ANO7: variants seen among roughly 807,000 people sequenced by gnomAD.
The protein encoded by ANO7 is anoctamin-7.
A neutral mutation model predicts 115.8 loss-of-function variants in ANO7; 114 were observed. The ratio of observed to expected loss-of-function variants is 0.98; its 90% CI spans 0.85 to 1.15. ANO7 has a LOEUF of 1.15. Ranked by LOEUF, ANO7 falls within the 50% of genes most tolerant of loss-of-function variation. ANO7 has a pLI of 0.00. For synonymous variants in ANO7, 550 were observed against 498.2 expected (o/e 1.10, Z -1.38); for missense variants, 1,302 against 1,201.2 (o/e 1.08, Z -1.24).
chr2:241,230,762 G>C (rs765922546), downstream of ANO7: 8 of 1,613,808 alleles, frequency 5.0e-6, no homozygotes, highest in Non-Finnish European at 6.8e-6. This position sits in a 1 kb window ranked among gnomAD's most constrained non-coding sequence, Gnocchi z 5.0. Context: ...GGCTCACCTT[G>C]AATTCGTCCA....
At chr2:241,218,810 A>C (rs1574797074) in intron 21 of ANO7, among the ~76,000 whole-genome samples, 1 of 152,334 alleles carries the variant, frequency 6.6e-6, no homozygotes, top group East Asian at 1.9e-4. Flanking sequence ...GAGTCATAAT[A>C]GATCAAGTAA....
chr2:241,212,141 G>A lies in ANO7; in HGVS notation c.1609G>A (p.Val537Met). The A allele has an allele frequency of 6.2e-7, 1 of 1,614,096 alleles. No homozygotes were observed. Among genetic ancestry groups the A allele is most frequent in the South Asian group, 1.1e-5 (1 of 91,078 alleles). ...TKFEDAFTLK[V>M]FIFQFVNFYS... ...GTTCGAGGACGCCTTCACCCTCAAG[G>A]TGTTCATCTTCCAGTTCGTCAACTT... Residue 537 changes from valine (V) to methionine (M), a missense_variant, in exon 16 of 25, where the codon GTG becomes ATG. By Grantham distance (21) the Val-to-Met change is conservative (BLOSUM62 1). Coordinates refer to ENST00000674324, the MANE Select transcript of ANO7 (RefSeq NM_001370694.2).
At chr2:241,235,395 G>A in the ANO7 span, 1 of 1,466,168 alleles carries the variant, frequency 6.8e-7, no homozygotes, top group South Asian at 1.2e-5. Flanking sequence ...GCAGGAGGAG[G>A]CAGAGTCAAC....
chr2:241,231,249 T>A, the ANO7 span: 10 of 269,040 alleles, frequency 3.7e-5, no homozygotes, highest in Admixed American at 9.6e-5. Context: ...CCGGGCGTGG[T>A]GGTGCACGCC....
At chr2:241,215,944 C>A in intron 18 of ANO7, 149 bp from the exon 19 acceptor site, 1 of 960,898 alleles carries the variant, frequency 1.0e-6, no homozygotes, top group Non-Finnish European at 1.5e-6. Flanking sequence ...CTCACTGCGT[C>A]CACCCCTCAG....
chr2:241,197,007 G>T (rs1005293901), intron 4 of ANO7, among the ~76,000 whole-genome samples: 4 of 152,202 alleles, frequency 2.6e-5, no homozygotes, highest in Non-Finnish European at 5.9e-5. Context: ...GAGGCCCCTT[G>T]CTCTGTATCT....
At chr2:241,233,682 G>A in the ANO7 span, 5 of 881,724 alleles carry the variant, frequency 5.7e-6, 1 homozygote, top group East Asian at 1.3e-4. This position sits in a 1 kb window ranked among gnomAD's most constrained non-coding sequence, Gnocchi z 4.3. Context: ...CCTCAAGCCA[G>A]AATTAGGTCC....
At chr2:241,209,017 C>T (rs540755008) in intron 11 of ANO7, among the ~76,000 whole-genome samples, 119 of 152,266 alleles carry the variant, frequency 7.8e-4, no homozygotes, top group Middle Eastern at 3.4e-3. Context: ...GGCGTGGTGG[C>T]GGGCGCCTGT....
At chr2:241,223,434 C>A in intron 22 of ANO7, 158 bp downstream of exon 22, 3 of 1,060,274 alleles carry the variant, frequency 2.8e-6, no homozygotes, top group Non-Finnish European at 2.9e-6. Context: ...TTTTCCCTGC[C>A]TGGCCTCATC....
At chr2:241,230,625 A>G (rs2069626822), downstream of ANO7, 1 of 764,848 alleles carries the variant, frequency 1.3e-6, no homozygotes, top group Admixed American at 2.3e-5. The surrounding 1 kb of genome is among the most constrained non-coding windows in gnomAD (Gnocchi z 5.0). Context: ...GTCCATGAGG[A>G]CAGTTCCACT....
intron 8 of ANO7, 106 bp downstream of exon 8, chr2:241,202,410 G>A (rs552373429): frequency 5.2e-6 from 5 of 969,278 alleles, no homozygotes; most frequent in Non-Finnish European, 7.9e-6. Flanking sequence ...GTCAGCCGGC[G>A]TGGCCACCCA....
At chr2:241,210,606 G>A (rs755625583) in intron 15 of ANO7, 36 bp downstream of exon 15, 4 of 1,583,766 alleles carry the variant, frequency 2.5e-6, no homozygotes, top group Admixed American at 1.7e-5. Context: ...ACTGACCAGG[G>A]GCCCACCCTG....
At chr2:241,232,439 C>T in the ANO7 span, among the ~76,000 whole-genome samples, 2 of 152,292 alleles carry the variant, frequency 1.3e-5, no homozygotes, top group South Asian at 4.2e-4. Context: ...CCACGCCTGG[C>T]TAATTTTCAT....
At chr2:241,193,316 C>T (rs974144489) in intron 3 of ANO7, among the ~76,000 whole-genome samples, 5 of 152,218 alleles carry the variant, frequency 3.3e-5, no homozygotes, top group East Asian at 1.9e-4. Context: ...GTGATCCGCC[C>T]GCCTTGGCCT....
chr2:241,229,976 C>G (rs376876733), downstream of ANO7: 1 of 1,587,724 alleles, frequency 6.3e-7, no homozygotes, highest in East Asian at 2.2e-5. Flanking sequence ...AGGCAGAAGA[C>G]AGGAAGACAG....
the ANO7 span, chr2:241,235,462 G>A: frequency 6.3e-7 from 1 of 1,576,022 alleles, no homozygotes; most frequent in Admixed American, 1.7e-5. Context: ...CCACTCCTGT[G>A]ACATGGCCTC....
intron 6 of ANO7, among the ~76,000 whole-genome samples, chr2:241,200,895 C>G (rs758286550): frequency 7.9e-5 from 12 of 152,256 alleles, no homozygotes; most frequent in Non-Finnish European, 1.5e-4. Context: ...GCACTGCCCA[C>G]GAGCACCCTC....
At chr2:241,206,818 C>G (rs1202286544) in intron 10 of ANO7, among the ~76,000 whole-genome samples, 3 of 22,744 alleles carry the variant, frequency 1.3e-4, no homozygotes, top group African/African-American at 2.2e-4. Context: ...GTGCTCCCAG[C>G]CTGACACAGG....
At chr2:241,194,830 T>C (rs888824788) in intron 3 of ANO7, among the ~76,000 whole-genome samples, 1 of 152,246 alleles carries the variant, frequency 6.6e-6, no homozygotes, top group Non-Finnish European at 1.5e-5. Context: ...ATAGGTTTGT[T>C]ACTCTGCACA....
Sources: gnomAD v4.1 joint callset for allele counts (sites outside exome capture counted in the v4.1 genomes callset) on GRCh38, gnomAD v4.1.1 for gene constraint, Gnocchi (gnomAD v3.1) non-coding constraint, MANE v1.5 for transcripts, NCBI Gene and HGNC (gene_info 2026-07-23, HGNC 2026-07-21) for gene names.